The following LDLRAD4 variants were observed in gnomAD, a reference collection of about 807,000 sequenced individuals.
The protein encoded by LDLRAD4 is low-density lipoprotein receptor class A domain-containing protein 4.
LDLRAD4 carries 5 observed loss-of-function variants against 17.0 expected under a neutral mutation model. The observed-to-expected ratio is 0.29, with a 90% CI of 0.15 to 0.62. The LOEUF is 0.62. Among genes scored for constraint, LDLRAD4 ranks in the 20% least tolerant of loss-of-function variants. The probability of loss-of-function intolerance (pLI) is 0.84; values close to 1 mark genes in which losing one functional copy is unlikely to be tolerated. For missense variants in LDLRAD4, 340 were observed against 424.7 expected, an observed-to-expected ratio of 0.80 and a Z score of 1.75; for synonymous variants, 168 against 171.8, an observed-to-expected ratio of 0.98 and a Z score of 0.17.
At chr18:13,319,272 A>G (rs1289888534) in intron 1 of LDLRAD4, among the ~76,000 whole-genome samples, 1 of 152,174 alleles carries the variant, frequency 6.6e-6, no homozygotes, top group African/African-American at 2.4e-5. Flanking sequence ...CACGGCGGGT[A>G]TGATTCGTCC....
intron 3 of LDLRAD4, among the ~76,000 whole-genome samples, chr18:13,458,523 C>T (rs1043597155): frequency 6.6e-6 from 1 of 152,224 alleles, no homozygotes; most frequent in Non-Finnish European, 1.5e-5. Context: ...GAAACATTCA[C>T]TGCTTTGTTT....
At position 13,544,914 on chromosome 18, in the gene LDLRAD4, C is replaced by G. The variant is rs558528865; in HGVS notation, c.182-76203C>G. ...TTTTTTTTTTTTTTTTTTTAATGTG[C>G]TCCTTTTATTTTCCAAATTTTCTAA... is the stretch of plus-strand genomic sequence containing the variant. On this transcript the variant is annotated intron_variant, in intron 3 of 5. Transcript: ENST00000359446. 1.3e-3 allele frequency among the ~76,000 whole-genome samples: 179 copies of G among 136,738 alleles called. 1 individual carries two copies. The highest frequency in any genetic ancestry group is 4.6e-3 in the African/African-American group (173 of 37,286). 89.7% of individuals were successfully genotyped at this position (136,738 alleles called of 152,430 possible). A position where few individuals can be genotyped will look rare whatever the true frequency, so the allele number is the denominator to read the frequency against.
chr18:13,319,073 C>T (rs1293666562), intron 1 of LDLRAD4, among the ~76,000 whole-genome samples: 2 of 152,176 alleles, frequency 1.3e-5, no homozygotes, highest in Non-Finnish European at 2.9e-5. Context: ...TGGGTGAGGT[C>T]ATTCACTGTT....
intron 1 of LDLRAD4, among the ~76,000 whole-genome samples, chr18:13,379,016 A>T (rs928988557): frequency 1.8e-4 from 28 of 151,990 alleles, no homozygotes; most frequent in Admixed American, 1.8e-3. Context: ...AGCCCTCATT[A>T]GATCTAGGGT....
At chr18:13,355,738 C>T (rs2083296849) in intron 1 of LDLRAD4, among the ~76,000 whole-genome samples, 1 of 152,216 alleles carries the variant, frequency 6.6e-6, no homozygotes, top group Non-Finnish European at 1.5e-5. Context: ...CTCAAGGGAT[C>T]CTCCCACCTT....
intron 3 of LDLRAD4, among the ~76,000 whole-genome samples, chr18:13,503,789 A>AC (rs1417198919): frequency 6.6e-6 from 1 of 151,590 alleles, no homozygotes; most frequent in Non-Finnish European, 1.5e-5. Flanking sequence ...TTAAAAAAAA[A>AC]AACTAAGTAA....
intron 3 of LDLRAD4, among the ~76,000 whole-genome samples, chr18:13,513,180 A>G (rs2093809701): frequency 6.6e-6 from 1 of 152,188 alleles, no homozygotes; most frequent in African/African-American, 2.4e-5. Flanking sequence ...TCTGGGTGGC[A>G]CTTGCCCCGG....
At chr18:13,504,515 C>T (rs925674223) in intron 3 of LDLRAD4, among the ~76,000 whole-genome samples, 2 of 152,202 alleles carry the variant, frequency 1.3e-5, no homozygotes, top group African/African-American at 4.8e-5. Context: ...GCAACCTCTG[C>T]GTCGGGGGTT....
At chr18:13,306,561 A>G (rs1049440073) in intron 1 of LDLRAD4, among the ~76,000 whole-genome samples, 1 of 152,238 alleles carries the variant, frequency 6.6e-6, no homozygotes, top group African/African-American at 2.4e-5. Context: ...TTTAAGGCTC[A>G]TTACACACGG....
rs138919077 is a variant in LDLRAD4, at chr18:13,602,924, G to A, written c.182-18193G>A. Among the ~76,000 whole-genome samples, 210 of 152,250 alleles carry A rather than the reference G, an allele frequency of 1.4e-3. 1 individual carries two copies. The highest frequency in any genetic ancestry group is 4.9e-3 in the African/African-American group (203 of 41,546). ...AGGTTCCAAGGAATCCTATTGGAGA[G>A]GACATTTAATGGGAGGACATCGCTA... On this transcript the variant is annotated intron_variant, in intron 3 of 5. Transcript: ENST00000359446.
intron 1 of LDLRAD4, among the ~76,000 whole-genome samples, chr18:13,244,985 C>T (rs1389563946): frequency 1.3e-5 from 2 of 152,194 alleles, no homozygotes; most frequent in African/African-American, 2.4e-5. Flanking sequence ...CCTGCAATTC[C>T]GTGAGGCACT....
chr18:13,318,354 C>T (rs1177799335), intron 1 of LDLRAD4, among the ~76,000 whole-genome samples: 2 of 152,106 alleles, frequency 1.3e-5, no homozygotes, highest in Admixed American at 6.5e-5. Context: ...CTCCGCCTCC[C>T]GAGTTCAAGC....
chr18:13,553,552 T>G (rs2094455046), intron 3 of LDLRAD4, among the ~76,000 whole-genome samples: 2 of 152,258 alleles, frequency 1.3e-5, no homozygotes, highest in South Asian at 4.1e-4. Context: ...CACTTTTTCC[T>G]TATCAGAAGG....
At chr18:13,507,246 T>C (rs1403961442) in intron 3 of LDLRAD4, among the ~76,000 whole-genome samples, 1 of 152,240 alleles carries the variant, frequency 6.6e-6, no homozygotes, top group Non-Finnish European at 1.5e-5. Flanking sequence ...TGGTGATTTC[T>C]GAAATTTGGG....
At chr18:13,535,081 G>A (rs2094184044) in intron 3 of LDLRAD4, among the ~76,000 whole-genome samples, 1 of 152,138 alleles carries the variant, frequency 6.6e-6, no homozygotes, top group Non-Finnish European at 1.5e-5. Context: ...CTCATCCATT[G>A]ACGGAACTGT....
In LDLRAD4 at chr18:13,617,208, G is replaced by A. The variant is rs531480849; in HGVS notation, c.182-3909G>A. ...CCGTCTTGGTCTCCCAAAGTGCTGAGATTCCAGGCACGCCTGGCCTGGAGT... is the reference window on the plus strand; with the variant it reads ...CCGTCTTGGTCTCCCAAAGTGCTGAAATTCCAGGCACGCCTGGCCTGGAGT... On this transcript the variant is annotated intron_variant, in intron 3 of 5. Coordinates refer to ENST00000359446, the Ensembl canonical transcript of LDLRAD4. Among the ~76,000 whole-genome samples the A allele has an allele frequency of 3.3e-5, 5 of 152,110 alleles. No individual in the cohort carries two copies. The South Asian group carries it at 6.2e-4, about 19-fold the overall frequency.
intron 1 of LDLRAD4, among the ~76,000 whole-genome samples, chr18:13,248,349 A>C (rs2043069451): frequency 1.3e-5 from 2 of 152,180 alleles, no homozygotes; most frequent in African/African-American, 2.4e-5. Context: ...TCCACATCAT[A>C]CTTCCCCTCG....
chr18:13,628,829 G>A (rs7351002), intron 4 of LDLRAD4, among the ~76,000 whole-genome samples: 1 of 152,162 alleles, frequency 6.6e-6, no homozygotes, highest in Non-Finnish European at 1.5e-5. Context: ...ATTACCTTCA[G>A]GTTTTGGGGT....
At chr18:13,606,604 G>A (rs2095226967) in intron 3 of LDLRAD4, among the ~76,000 whole-genome samples, 3 of 152,152 alleles carry the variant, frequency 2.0e-5, no homozygotes, top group East Asian at 1.9e-4. Context: ...CCAAGGATAC[G>A]CTAGAAGATT....
Sources: gnomAD v4.1 joint callset for allele counts (sites outside exome capture counted in the v4.1 genomes callset) on GRCh38, gnomAD v4.1.1 for gene constraint, MANE v1.5 for transcripts, NCBI Gene and HGNC (gene_info 2026-07-23, HGNC 2026-07-21) for gene names.